MAP3K20: variants seen among roughly 807,000 people sequenced by gnomAD.
The protein encoded by MAP3K20 is mitogen-activated protein kinase kinase kinase 20, also known as HCCS-4.
Under a neutral mutation model 85.7 loss-of-function variants are expected in MAP3K20, and 40 were observed. The observed-to-expected ratio is 0.47, with a 90% CI of 0.36 to 0.61. The LOEUF (loss-of-function observed/expected upper bound fraction) is 0.61, where lower values mean the gene tolerates loss of function less well. Among genes scored for constraint, MAP3K20 ranks in the 20% least tolerant of loss-of-function variants. MAP3K20 has a pLI of 0.00. For missense variants in MAP3K20, 817 were observed against 961.7 expected (o/e 0.85, Z 1.99); for synonymous variants, 325 against 327.7 (o/e 0.99, Z 0.09).
intron 2 of MAP3K20, among the ~76,000 whole-genome samples, chr2:173,152,996 A>C (rs1444498773): frequency 2.6e-5 from 4 of 152,200 alleles, no homozygotes; most frequent in African/African-American, 9.7e-5. Flanking sequence ...AATCACATAT[A>C]ATTTGATTGA....
At chr2:173,245,619 A>T (rs1684895392) in intron 16 of MAP3K20, among the ~76,000 whole-genome samples, 3 of 152,232 alleles carry the variant, frequency 2.0e-5, no homozygotes, top group Non-Finnish European at 4.4e-5. Flanking sequence ...GCTCCTAAGT[A>T]GTAAAGTTAA....
At chr2:173,147,833 C>G (rs1689181597) in intron 2 of MAP3K20, among the ~76,000 whole-genome samples, 1 of 152,156 alleles carries the variant, frequency 6.6e-6, no homozygotes, top group African/African-American at 2.4e-5. Flanking sequence ...GATCCACCCA[C>G]CTCAGCCTCC....
rs758936447 is a variant in MAP3K20, at chr2:173,258,680, ATTT to A, written c.1360-17_1360-15del. ...TTGTTTCACTTTCTCAAATTCTGTA[ATTT>A]TGTTTTTAATTCCAGGATTGTAAGT... On this transcript the variant is annotated splice_polypyrimidine_tract_variant and intron_variant, in intron 16 of 19. Transcript: ENST00000375213. The A allele has an allele frequency of 8.8e-6, 13 of 1,482,136 alleles. No homozygotes were observed. The Admixed American group carries it at 2.3e-4, about 26-fold the overall frequency. 91.8% of individuals were successfully genotyped at this position (1,482,136 alleles called of 1,614,324 possible). A position where few individuals can be genotyped will look rare whatever the true frequency, so the allele number is the denominator to read the frequency against.
At chr2:173,089,846 TAC>T (rs1465999717) in intron 1 of MAP3K20, among the ~76,000 whole-genome samples, 1 of 152,210 alleles carries the variant, frequency 6.6e-6, no homozygotes, top group African/African-American at 2.4e-5. Flanking sequence ...GTACTGGGAT[TAC>T]AGGCGTGAGC....
At chr2:173,159,758 G>A (rs926394484) in intron 2 of MAP3K20, among the ~76,000 whole-genome samples, 1 of 152,138 alleles carries the variant, frequency 6.6e-6, no homozygotes, top group Non-Finnish European at 1.5e-5. Flanking sequence ...TTGCCTTTTT[G>A]TGATTTGGAA....
At position 173,075,967 on chromosome 2, in the gene MAP3K20, C is replaced by T. The variant is rs112881438; in HGVS notation, c.-70C>T. 1.2e-5 allele frequency: 12 copies of T among 984,968 alleles called. No homozygotes were observed. The highest frequency in any genetic ancestry group is 5.2e-4 in the Middle Eastern group (1 of 1,934). The allele number at this position is 984,968 out of a possible 1,614,324, so 61.0% of individuals were successfully genotyped here. A position where few individuals can be genotyped will look rare whatever the true frequency, so the allele number is the denominator to read the frequency against. Reference sequence around the variant, plus strand: ...CCTCGTCGCGCGCGGGGCCTCCGCGCCCCCGGCTGCTGCTCACGCCCCGCC... The same window carrying T: ...CCTCGTCGCGCGCGGGGCCTCCGCGTCCCCGGCTGCTGCTCACGCCCCGCC... On this transcript the variant is annotated 5_prime_UTR_variant, in exon 1 of 20. Coordinates refer to ENST00000375213, the MANE Select transcript of MAP3K20 (RefSeq NM_016653.3).
chr2:173,180,097 T>C (rs79217565), intron 3 of MAP3K20, among the ~76,000 whole-genome samples: 3,598 of 152,290 alleles, frequency 0.024, 120 homozygotes, highest in Admixed American at 0.091. Context: ...GACTTTTTTT[T>C]AGAAATTAAC....
chr2:173,090,666 T>C, intron 1 of MAP3K20: 1 of 1,001,820 alleles, frequency 1.0e-6, no homozygotes, highest in Non-Finnish European at 1.2e-6. Context: ...CAGGGCTTCC[T>C]GAGAGGAGAC....
At position 173,209,213 on chromosome 2, in the gene MAP3K20, T is replaced by C. The variant is rs549909889; in HGVS notation, c.745-516T>C. Among the ~76,000 whole-genome samples the C allele has an allele frequency of 1.9e-4, 29 of 152,350 alleles. 1 individual carries two copies. In the East Asian group the frequency reaches 2.5e-3, roughly 13 times the overall value. On this transcript the variant is annotated intron_variant, in intron 9 of 19. Coordinates refer to ENST00000375213, the MANE Select transcript of MAP3K20 (RefSeq NM_016653.3). ...TCAGCATAGTACCTGAATTTTTTTT[T>C]CTGACAAACCAATTTGGAAAATTTT...
At chr2:173,243,682 A>C (rs960569265) in intron 16 of MAP3K20, among the ~76,000 whole-genome samples, 2 of 152,206 alleles carry the variant, frequency 1.3e-5, no homozygotes, top group African/African-American at 4.8e-5. Flanking sequence ...CAGTGGCGCT[A>C]TCTCGGCTCA....
intron 16 of MAP3K20, among the ~76,000 whole-genome samples, chr2:173,256,294 C>T (rs879409945): frequency 6.6e-6 from 1 of 152,148 alleles, no homozygotes; most frequent in East Asian, 1.9e-4. Context: ...ATGTGAGGTG[C>T]TTGGTACATT....
chr2:173,235,178 A>G (rs1574143853), intron 14 of MAP3K20, among the ~76,000 whole-genome samples: 1 of 152,220 alleles, frequency 6.6e-6, no homozygotes, highest in African/African-American at 2.4e-5. Context: ...GCAAGGGTGC[A>G]ATGGGCAGCA....
At chr2:173,174,711 G>A (rs1277608523) in intron 3 of MAP3K20, among the ~76,000 whole-genome samples, 2 of 152,030 alleles carry the variant, frequency 1.3e-5, no homozygotes, top group Non-Finnish European at 2.9e-5. Context: ...TAATCCTTTG[G>A]GTATATACCC....
intron 14 of MAP3K20, among the ~76,000 whole-genome samples, chr2:173,237,173 C>G (rs1684674315): frequency 6.6e-6 from 1 of 151,924 alleles, no homozygotes; most frequent in South Asian, 2.1e-4. Context: ...ATTATAGGCG[C>G]AGGCTACACC....
At chr2:173,244,256 T>C (rs1055235083) in intron 16 of MAP3K20, among the ~76,000 whole-genome samples, 2 of 151,948 alleles carry the variant, frequency 1.3e-5, no homozygotes, top group Non-Finnish European at 2.9e-5. Context: ...GTGCTAAAAG[T>C]ATAAAGAAGT....
chr2:173,206,710 G>A (rs150999303), intron 9 of MAP3K20, among the ~76,000 whole-genome samples: 3 of 152,186 alleles, frequency 2.0e-5, no homozygotes, highest in East Asian at 3.9e-4. Context: ...CTAGATGGAC[G>A]GCAAGCTTTA....
intron 2 of MAP3K20, among the ~76,000 whole-genome samples, chr2:173,124,159 A>G (rs567532705): frequency 6.6e-6 from 1 of 152,334 alleles, no homozygotes; most frequent in African/African-American, 2.4e-5. Flanking sequence ...GCTCATGACC[A>G]TACTAATCCC....
intron 2 of MAP3K20, among the ~76,000 whole-genome samples, chr2:173,098,551 T>C (rs987367325): frequency 2.6e-5 from 4 of 152,198 alleles, no homozygotes; most frequent in Admixed American, 1.3e-4. Context: ...CCCCAAGATA[T>C]CTCATTGTAT....
At chr2:173,099,918 G>T (rs541093783) in intron 2 of MAP3K20, among the ~76,000 whole-genome samples, 9 of 152,316 alleles carry the variant, frequency 5.9e-5, no homozygotes, top group African/African-American at 1.9e-4. Context: ...AATGTATGTA[G>T]AAGAGTGCTT....
Sources: allele counts gnomAD v4.1 joint callset (sites outside exome capture counted in the v4.1 genomes callset), GRCh38; gene constraint gnomAD v4.1.1; transcripts MANE v1.5; gene names NCBI Gene and HGNC (gene_info 2026-07-23, HGNC 2026-07-21).